Variants in PADI6 observed in about 807,000 individuals in gnomAD.
PADI6 encodes the protein inactive protein-arginine deiminase type-6.
A neutral mutation model predicts 78.2 loss-of-function variants in PADI6; 66 were observed. That is an observed-to-expected ratio of 0.84 (90% CI 0.69 to 1.04). PADI6 has a LOEUF of 1.04. Among genes scored for constraint, PADI6 ranks in the 50% least tolerant of loss-of-function variants. PADI6 has a pLI of 0.00. For missense variants in PADI6, 854 were observed against 866.1 expected, an observed-to-expected ratio of 0.99 and a Z score of 0.18; for synonymous variants, 397 against 346.9, an observed-to-expected ratio of 1.14 and a Z score of -1.60.
rs1211389754 is a variant in PADI6, at chr1:17,382,109, C to G, written c.679+17C>G. 6.8e-6 allele frequency: 11 copies of G among 1,612,222 alleles called. No individual in the cohort carries two copies. In the Admixed American group the frequency reaches 1.8e-4, roughly 27 times the overall value. On this transcript the variant is annotated intron_variant, in intron 6 of 15. Transcript: ENST00000619609. ...GGCCCCAAAGTGAGTGTTCTTGTGC[C>G]AGCTCCAGCTTTGCCTGCTCTCGAC...
At chr1:17,386,531 C>T (rs975778229) in intron 6 of PADI6, among the ~76,000 whole-genome samples, 5 of 152,324 alleles carry the variant, frequency 3.3e-5, no homozygotes, top group African/African-American at 4.8e-5. Flanking sequence ...CTGATGCTAT[C>T]GCAGGTCAAG....
intron 12 of PADI6, among the ~76,000 whole-genome samples, 157 bp downstream of exon 12, chr1:17,395,264 C>G (rs1161003612): frequency 6.7e-6 from 1 of 149,994 alleles, no homozygotes; most frequent in African/African-American, 2.5e-5. Context: ...AGTGCAGTGG[C>G]GTGATCTCCG....
intron 3 of PADI6, among the ~76,000 whole-genome samples, chr1:17,377,041 T>C (rs2075026336): frequency 1.3e-5 from 2 of 152,260 alleles, no homozygotes; most frequent in South Asian, 4.1e-4. Context: ...ACTTGGTTAA[T>C]TTTTTATACA....
rs2075192914 is a variant in PADI6, at chr1:17,392,204, C to T, written c.1053C>T (p.Asn351=). The T allele has an allele frequency of 6.4e-7, 1 of 1,556,996 alleles. No individual in the cohort carries two copies. The highest frequency in any genetic ancestry group is 1.4e-5 in the African/African-American group (1 of 73,462). The part of the protein sequence containing the change: ...SQVASVYEDP[N]RLGRWLQDEM... ...TGGCATCTGTCTATGAGGACCCCAA[C>T]CGCCTGGGCAGGTGGCTCCAGGTAA... The change falls in exon 9 of 16, where the codon AAC becomes AAT. Residue 351 remains asparagine (N), a synonymous_variant. Coordinates refer to ENST00000619609, the MANE Select transcript of PADI6 (RefSeq NM_207421.4).
In PADI6 at chr1:17,395,765, G is replaced by C; in HGVS notation, c.1618+102G>C. The stretch of plus-strand genomic sequence containing the variant: ...TCACGCTTGGCGTAAAGGATGCCAG[G>C]GAAGCACAGAAGCTGTTGGAATTGC... On this transcript the variant is annotated intron_variant, in intron 13 of 15. Transcript: ENST00000619609. 2.1e-6 allele frequency: 3 copies of C among 1,422,518 alleles called. No individual in the cohort carries two copies. In the East Asian group the frequency reaches 7.3e-5, roughly 35 times the overall value. The allele number at this position is 1,422,518 out of a possible 1,614,324, so 88.1% of individuals were successfully genotyped here.
chr1:17,388,297 AG>A (rs2075143260), intron 6 of PADI6, 83 bp from the exon 7 acceptor site: 2 of 1,274,176 alleles, frequency 1.6e-6, no homozygotes, highest in East Asian at 2.5e-5. Context: ...ATCTGATATG[AG>A]GAATGAGCTG....
intron 8 of PADI6, among the ~76,000 whole-genome samples, chr1:17,390,343 T>C (rs1239288544): frequency 6.6e-6 from 1 of 151,440 alleles, no homozygotes; most frequent in Non-Finnish European, 1.5e-5. Context: ...CTCATGCCTG[T>C]AATCCCAGCA....
intron 6 of PADI6, among the ~76,000 whole-genome samples, chr1:17,384,851 T>TG (rs1174588641): frequency 6.6e-6 from 1 of 152,098 alleles, no homozygotes; most frequent in African/African-American, 2.4e-5. Context: ...CAGGTTGAAA[T>TG]GGGGAGGCAC....
chr1:17,382,072 CGA>C lies in PADI6; in HGVS notation c.663_664del (p.Arg221SerfsTer13). 1 of 1,613,876 alleles carries C rather than the reference CGA, an allele frequency of 6.2e-7. No homozygotes were observed. Among genetic ancestry groups the C allele is most frequent in the Non-Finnish European group, 8.5e-7 (1 of 1,179,842 alleles). On this transcript the variant is annotated frameshift_variant, in exon 6 of 16. Transcript: ENST00000619609. LOFTEE classifies it high-confidence loss of function. The stretch of plus-strand genomic sequence containing the variant: ...ACCTCCAAGGAAGAGTCGAAGAAGG[CGA>C]GAGTCTACTGGCCCCAAAGTGAGTG...
Position 17,401,425 on chromosome 1 carries a change from A to AG in PADI6, c.2073dup (p.Met692AspfsTer27). The stretch of plus-strand genomic sequence containing the variant: ...GTGCCCTTTGCCTTCAAATGGTGGA[A>AG]GATGGTACCTTAGACCCAGGCCCTG... On this transcript the variant is annotated frameshift_variant, in exon 16 of 16. Coordinates refer to ENST00000619609, the MANE Select transcript of PADI6 (RefSeq NM_207421.4). LOFTEE classifies it high-confidence loss of function. 6.2e-7 allele frequency: 1 copy of AG among 1,613,952 alleles called. No individual in the cohort carries two copies. Among genetic ancestry groups the AG allele is most frequent in the Non-Finnish European group, 8.5e-7 (1 of 1,179,848 alleles).
intron 6 of PADI6, among the ~76,000 whole-genome samples, chr1:17,387,864 G>A (rs1010231645): frequency 5.3e-5 from 8 of 152,198 alleles, no homozygotes; most frequent in African/African-American, 1.9e-4. Context: ...TAGGAGACAG[G>A]CTTAACATGT....
chr1:17,379,551 G>T (rs541130776), intron 3 of PADI6, among the ~76,000 whole-genome samples: 1 of 152,142 alleles, frequency 6.6e-6, no homozygotes, highest in African/African-American at 2.4e-5. Context: ...CACTGTGCCC[G>T]GCCATATTAA....
chr1:17,384,009 G>T (rs1241532687), intron 6 of PADI6, among the ~76,000 whole-genome samples: 1 of 151,926 alleles, frequency 6.6e-6, no homozygotes, highest in African/African-American at 2.4e-5. Context: ...AGCTAGCTGG[G>T]CTTTGTGGCA....
At position 17,382,501 on chromosome 1, in the gene PADI6, C is replaced by A. The variant is rs892196298; in HGVS notation, c.679+409C>A. 2.0e-5 allele frequency among the ~76,000 whole-genome samples: 3 copies of A among 152,218 alleles called. No individual in the cohort carries two copies. In the East Asian group the frequency reaches 5.8e-4, roughly 29 times the overall value. On this transcript the variant is annotated intron_variant, in intron 6 of 15. Transcript: ENST00000619609. ...TCCACTATGTTAAATTTCCAGAAAT[C>A]TGAGGCCAAAACCTCTAGAGCGGCA...
intron 14 of PADI6, among the ~76,000 whole-genome samples, chr1:17,398,165 C>T (rs1445769635): frequency 1.3e-5 from 2 of 152,184 alleles, no homozygotes. Context: ...GGAATGTTCC[C>T]AAGGAATGTT....
chr1:17,394,900 C>A (rs1470646431), intron 11 of PADI6, 51 bp from the exon 12 acceptor site: 1 of 1,497,922 alleles, frequency 6.7e-7, no homozygotes, highest in Non-Finnish European at 8.9e-7. Context: ...GGCGGGTGAC[C>A]AGCCCTGGGC....
rs571799182 is a variant in PADI6 at position 17,372,385 on chromosome 1, G to A, written c.116+24G>A. 8.7e-6 allele frequency: 14 copies of A among 1,607,774 alleles called. No individual in the cohort carries two copies. The South Asian group carries it at 1.3e-4, about 15-fold the overall frequency. On this transcript the variant is annotated intron_variant, in intron 1 of 15. Coordinates refer to ENST00000619609, the MANE Select transcript of PADI6 (RefSeq NM_207421.4). ...GGGTGAGATGCTGGGAGCTCTGCCA[G>A]AGGTGGCAGGCAGACAGGCAGGCAG... is the stretch of plus-strand genomic sequence containing the variant.
At chr1:17,382,506 G>GT (rs1330514117) in intron 6 of PADI6, among the ~76,000 whole-genome samples, 2 of 152,138 alleles carry the variant, frequency 1.3e-5, no homozygotes, top group Non-Finnish European at 2.9e-5. Context: ...GAAATCTGAG[G>GT]CCAAAACCTC....
At chr1:17,395,713 AG>A in intron 13 of PADI6, 50 bp downstream of exon 13, 1 of 1,568,496 alleles carries the variant, frequency 6.4e-7, no homozygotes, top group Non-Finnish European at 8.7e-7. Context: ...TCCTTTTTCC[AG>A]GGGTCCTTTC....
Sources: gnomAD v4.1 joint callset for allele counts (sites outside exome capture counted in the v4.1 genomes callset) on GRCh38, gnomAD v4.1.1 for gene constraint, MANE v1.5 for transcripts, NCBI Gene and HGNC (gene_info 2026-07-23, HGNC 2026-07-21) for gene names.